ZNRF1: variants seen among roughly 807,000 people sequenced by gnomAD.
ZNRF1 encodes zinc and ring finger 1.
ZNRF1 carries 3 observed loss-of-function variants against 18.4 expected under a neutral mutation model. That is an observed-to-expected ratio of 0.16 (90% CI 0.07 to 0.42). The LOEUF (loss-of-function observed/expected upper bound fraction) is 0.42, where lower values mean the gene tolerates loss of function less well. Among genes scored for constraint, ZNRF1 ranks in the 10% least tolerant of loss-of-function variants. ZNRF1 has a pLI of 0.99. For synonymous variants in ZNRF1, 157 were observed against 144.2 expected (o/e 1.09, Z -0.64); for missense variants, 310 against 329.8 (o/e 0.94, Z 0.47).
intron 1 of ZNRF1, among the ~76,000 whole-genome samples, chr16:75,011,180 C>T (rs941240130): frequency 3.3e-5 from 5 of 152,046 alleles, no homozygotes; most frequent in Admixed American, 6.6e-5. Context: ...TTGGAGAGAG[C>T]CATTAAGATT....
chr16:75,024,869 T>G (rs1396289562), intron 1 of ZNRF1, among the ~76,000 whole-genome samples: 1 of 152,220 alleles, frequency 6.6e-6, no homozygotes, highest in African/African-American at 2.4e-5. Context: ...TAAACATTAA[T>G]GTAGAAAGCG....
chr16:75,099,297 C>A (rs1252543011), intron 2 of ZNRF1, among the ~76,000 whole-genome samples: 3 of 152,124 alleles, frequency 2.0e-5, no homozygotes, highest in African/African-American at 7.2e-5. Context: ...CTCTTTTGCT[C>A]CTCCTCCCAG....
intron 1 of ZNRF1, among the ~76,000 whole-genome samples, chr16:75,076,951 G>A (rs2035947011): frequency 6.6e-6 from 1 of 151,938 alleles, no homozygotes; most frequent in African/African-American, 2.4e-5. Context: ...TTGATCTTGG[G>A]CTTCTCAACC....
At chr16:75,001,273 C>T (rs4488478) in intron 1 of ZNRF1, among the ~76,000 whole-genome samples, 98,458 of 151,474 alleles carry the variant, frequency 0.65, 32,332 homozygotes, top group African/African-American at 0.71. Context: ...GTATCTCTTT[C>T]CCCCCCCCTG....
chr16:75,083,741 C>T (rs994588961), intron 1 of ZNRF1, among the ~76,000 whole-genome samples: 4 of 152,058 alleles, frequency 2.6e-5, no homozygotes, highest in Non-Finnish European at 1.5e-5. Context: ...ATGGGGGAGG[C>T]AGTTGAGGCC....
At chr16:75,085,347 A>C (rs918815045) in intron 1 of ZNRF1, among the ~76,000 whole-genome samples, 1 of 152,174 alleles carries the variant, frequency 6.6e-6, no homozygotes, top group Non-Finnish European at 1.5e-5. Context: ...ATGTTGTTGC[A>C]TGTATCAGTA....
chr16:75,091,910 CAT>C (rs990138366), intron 1 of ZNRF1, among the ~76,000 whole-genome samples: 1 of 152,078 alleles, frequency 6.6e-6, no homozygotes, highest in African/African-American at 2.4e-5. Context: ...TTACCAATAA[CAT>C]AAACAGTCGA....
rs1008457296 is a variant in ZNRF1 at position 75,108,503 on chromosome 16, CCT to C, written c.*804_*805del. 30 of 398,476 alleles carry C rather than the reference CCT, an allele frequency of 7.5e-5. No homozygotes were observed. The highest frequency in any genetic ancestry group is 4.3e-4 in the African/African-American group (21 of 48,550). 24.7% of individuals were successfully genotyped at this position (398,476 alleles called of 1,614,324 possible). A position where few individuals can be genotyped will look rare whatever the true frequency, so the allele number is the denominator to read the frequency against. On this transcript the variant is annotated 3_prime_UTR_variant, in exon 5 of 5. Coordinates refer to ENST00000335325, the MANE Select transcript of ZNRF1 (RefSeq NM_032268.5). The stretch of plus-strand genomic sequence containing the variant: ...TTACTAAGAAATATGTACAGCTACC[CCT>C]GTTTTCAGGCACTATGTTTGAGAAC...
intron 1 of ZNRF1, among the ~76,000 whole-genome samples, chr16:75,034,584 A>G (rs1488375885): frequency 1.3e-5 from 2 of 152,184 alleles, no homozygotes; most frequent in Non-Finnish European, 2.9e-5. Context: ...GAACACGAAT[A>G]TACAAACATC....
chr16:75,052,997 C>G (rs2035624315), intron 1 of ZNRF1, among the ~76,000 whole-genome samples: 1 of 152,192 alleles, frequency 6.6e-6, no homozygotes. Context: ...AATCGGCGCC[C>G]TCTGACTTAG....
intron 1 of ZNRF1, among the ~76,000 whole-genome samples, chr16:75,049,259 C>T (rs140351026): frequency 0.05 from 7,557 of 152,120 alleles, 607 homozygotes; most frequent in African/African-American, 0.17. Context: ...CCCGCTTTGG[C>T]CCCCCAAAGT....
chr16:74,999,905 C>T lies in ZNRF1; in HGVS notation c.234C>T (p.Gly78=), dbSNP rs774060769. ...GCCTCTACACCCCCGCCTCCCGGGG[C>T]ACCGGCGACTCCGAGAGGGCGCCCG... The part of the protein sequence containing the change: ...PFGLYTPASR[G]TGDSERAPGG... The change falls in exon 1 of 5, where the codon GGC becomes GGT. Residue 78 remains glycine (G), a synonymous_variant. Transcript: ENST00000335325. 51 of 1,546,760 alleles carry T rather than the reference C, an allele frequency of 3.3e-5. No homozygotes were observed. The highest frequency in any genetic ancestry group is 1.9e-4 in the Admixed American group (10 of 51,364).
chr16:75,023,307 AC>A (rs1203046212), intron 1 of ZNRF1, among the ~76,000 whole-genome samples: 2 of 151,968 alleles, frequency 1.3e-5, no homozygotes, highest in African/African-American at 2.4e-5. Flanking sequence ...CCCCTACCTT[AC>A]CCCCCACATT....
At chr16:75,027,553 C>G (rs2035242350) in intron 1 of ZNRF1, among the ~76,000 whole-genome samples, 2 of 152,136 alleles carry the variant, frequency 1.3e-5, no homozygotes, top group Non-Finnish European at 2.9e-5. Flanking sequence ...CCCATTGAAC[C>G]TATTTTCTTC....
At chr16:75,022,780 G>A (rs115348760) in intron 1 of ZNRF1, among the ~76,000 whole-genome samples, 1,541 of 152,236 alleles carry the variant, frequency 0.01, 22 homozygotes, top group African/African-American at 0.036. Flanking sequence ...AAACTCTTCC[G>A]TAGTGCTCTT....
intron 2 of ZNRF1, among the ~76,000 whole-genome samples, chr16:75,096,061 CGTGTGTGTGTGTGTGTGT>C (rs56013949): frequency 7.2e-6 from 1 of 139,644 alleles, no homozygotes; most frequent in South Asian, 2.3e-4. Flanking sequence ...TATGTGTGCA[CGTGTGTGTGTGTGTGTGT>C]GTGTGTGTGT....
At chr16:75,038,966 G>A (rs765940928) in intron 1 of ZNRF1, among the ~76,000 whole-genome samples, 1 of 152,074 alleles carries the variant, frequency 6.6e-6, no homozygotes, top group African/African-American at 2.4e-5. Context: ...TGAATTCCTG[G>A]TAAGAACCAT....
intron 2 of ZNRF1, among the ~76,000 whole-genome samples, chr16:75,100,415 G>C (rs2036242706): frequency 6.6e-6 from 1 of 152,082 alleles, no homozygotes; most frequent in Non-Finnish European, 1.5e-5. Context: ...CCCCTAGTGA[G>C]GTTCGGTGCA....
chr16:75,042,791 A>AT (rs147323609), intron 1 of ZNRF1, among the ~76,000 whole-genome samples: 3,569 of 152,006 alleles, frequency 0.023, 163 homozygotes, highest in African/African-American at 0.083. Flanking sequence ...GAATCCTGAT[A>AT]TTTTTTCATT....
Sources: gnomAD v4.1 joint callset for allele counts (sites outside exome capture counted in the v4.1 genomes callset) on GRCh38, gnomAD v4.1.1 for gene constraint, MANE v1.5 for transcripts, NCBI Gene and HGNC (gene_info 2026-07-23, HGNC 2026-07-21) for gene names.